Variants in SRGAP3 observed in about 807,000 individuals in gnomAD.
SRGAP3 encodes the protein SLIT-ROBO Rho GTPase-activating protein 3.
SRGAP3 carries 39 observed loss-of-function variants against 121.1 expected under a neutral mutation model. The ratio of observed to expected loss-of-function variants is 0.32; its 90% CI spans 0.25 to 0.42. The LOEUF (loss-of-function observed/expected upper bound fraction) is 0.42, where lower values mean the gene tolerates loss of function less well. Among genes scored for constraint, SRGAP3 ranks in the 10% least tolerant of loss-of-function variants. The probability of loss-of-function intolerance (pLI) is 1.00; values close to 1 mark genes in which losing one functional copy is unlikely to be tolerated. For synonymous variants in SRGAP3, 601 were observed against 570.0 expected (o/e 1.05, Z -0.77); for missense variants, 1,213 against 1,470.6 (o/e 0.82, Z 2.86).
intron 1 of SRGAP3, among the ~76,000 whole-genome samples, chr3:9,343,805 G>A (rs1955833660): frequency 6.6e-6 from 1 of 152,116 alleles, no homozygotes. Context: ...CGAGGAGCAG[G>A]ACTACAGCGC....
intron 21 of SRGAP3, 88 bp from the exon 22 acceptor site, chr3:8,986,020 A>G (rs341785): frequency 0.24 from 374,935 of 1,585,868 alleles, 46,270 homozygotes; most frequent in East Asian, 0.43. Flanking sequence ...CTTCGTAGGC[A>G]GGTTCCCCAG....
chr3:8,998,109 G>C (rs911944294), intron 18 of SRGAP3, among the ~76,000 whole-genome samples: 7 of 152,090 alleles, frequency 4.6e-5, no homozygotes, highest in Admixed American at 6.5e-5. Context: ...GGCTGGTCTC[G>C]AACTTCTGGA....
At chr3:9,359,286 C>T (rs1469342980) in intron 1 of SRGAP3, among the ~76,000 whole-genome samples, 1 of 152,152 alleles carries the variant, frequency 6.6e-6, no homozygotes, top group Non-Finnish European at 1.5e-5. Context: ...AACTGTTCTC[C>T]TTGGAGGGTC....
At chr3:9,351,197 G>A (rs767632441) in intron 1 of SRGAP3, among the ~76,000 whole-genome samples, 6 of 152,228 alleles carry the variant, frequency 3.9e-5, no homozygotes, top group South Asian at 4.2e-4. Context: ...AAACCCAGCC[G>A]AGATACCACC....
chr3:9,151,160 G>T (rs1363443450), intron 1 of SRGAP3, among the ~76,000 whole-genome samples: 5 of 152,214 alleles, frequency 3.3e-5, no homozygotes, highest in Non-Finnish European at 7.3e-5. Flanking sequence ...ATGGAGTCCA[G>T]GGGGTCCAGA....
At chr3:9,168,657 C>T (rs1457316025) in intron 1 of SRGAP3, among the ~76,000 whole-genome samples, 4 of 152,230 alleles carry the variant, frequency 2.6e-5, no homozygotes, top group Admixed American at 6.5e-5. Context: ...TCTTTTCGTA[C>T]GTGCTTGGAG....
At chr3:9,075,215 G>C (rs1450010821) in intron 4 of SRGAP3, among the ~76,000 whole-genome samples, 2 of 152,010 alleles carry the variant, frequency 1.3e-5, no homozygotes, top group Admixed American at 1.3e-4. Flanking sequence ...ACATGAACAA[G>C]AACTATATTG....
chr3:9,031,595 G>A (rs1944485175), intron 12 of SRGAP3, among the ~76,000 whole-genome samples: 2 of 152,146 alleles, frequency 1.3e-5, no homozygotes, highest in Non-Finnish European at 1.5e-5. Context: ...CTGGGACCCA[G>A]GCTGGTCCTG....
rs1946086133 is a variant in SRGAP3, at chr3:9,060,333, C to G, written c.699G>C (p.Lys233Asn). 6.2e-7 allele frequency: 1 copy of G among 1,613,852 alleles called. No individual in the cohort carries two copies. The highest frequency in any genetic ancestry group is 2.2e-5 in the East Asian group (1 of 44,868). ...CATTCCGGGCCTTTGTGCATTTCAG[C>G]TTGTTCTCAGAGTACTTGGCCTGCC... ...EKRQAKYSENKLKCTKARNDY... is the reference protein window; with the variant it reads ...EKRQAKYSENNLKCTKARNDY... Residue 233 changes from lysine (K) to asparagine (N), a missense_variant, in exon 6 of 22, where the codon AAG becomes AAC. This residue lies in a region of SRGAP3 where 793 missense variants were observed against 1,032.9 expected (regional missense o/e 0.77). Coordinates refer to ENST00000383836, the MANE Select transcript of SRGAP3 (RefSeq NM_014850.4).
At chr3:9,028,133 GA>G in intron 12 of SRGAP3, 1 of 1,614,092 alleles carries the variant, frequency 6.2e-7, no homozygotes, top group Non-Finnish European at 8.5e-7. Context: ...TTCTTCCTCT[GA>G]TAACAAAAAA....
At chr3:9,188,906 A>G (rs1376213568) in intron 1 of SRGAP3, among the ~76,000 whole-genome samples, 1 of 152,240 alleles carries the variant, frequency 6.6e-6, no homozygotes, top group Non-Finnish European at 1.5e-5. Context: ...ACATTATTAA[A>G]GAAAGAATTT....
At chr3:9,274,231 C>A (rs949581784) in intron 3 of SRGAP3, among the ~76,000 whole-genome samples, 1 of 152,200 alleles carries the variant, frequency 6.6e-6, no homozygotes, top group Non-Finnish European at 1.5e-5. Context: ...CTAAGTATTT[C>A]AAGGTGTCCT....
chr3:9,354,137 C>T (rs1575030909), intron 1 of SRGAP3, among the ~76,000 whole-genome samples: 1 of 152,102 alleles, frequency 6.6e-6, no homozygotes, highest in East Asian at 1.9e-4. Context: ...AAGGGGGCGA[C>T]AGGATGGTGG....
intron 1 of SRGAP3, among the ~76,000 whole-genome samples, chr3:9,361,703 C>T (rs548199224): frequency 1.3e-5 from 2 of 152,222 alleles, no homozygotes; most frequent in Admixed American, 6.5e-5. Flanking sequence ...CAGAAACCAG[C>T]CCTTTTGAAA....
At chr3:9,073,347 G>A (rs182229681) in intron 4 of SRGAP3, among the ~76,000 whole-genome samples, 7 of 152,306 alleles carry the variant, frequency 4.6e-5, no homozygotes, top group South Asian at 2.1e-4. Context: ...GTTTTGCCAC[G>A]TTGCCCAGGC....
intron 1 of SRGAP3, among the ~76,000 whole-genome samples, chr3:9,342,997 C>T (rs2125290844): frequency 6.6e-6 from 1 of 152,378 alleles, no homozygotes; most frequent in African/African-American, 2.4e-5. Flanking sequence ...CCCACCATGC[C>T]TCTTCGATCT....
At chr3:9,346,694 T>C (rs1373567053) in intron 1 of SRGAP3, among the ~76,000 whole-genome samples, 1 of 151,768 alleles carries the variant, frequency 6.6e-6, no homozygotes, top group Non-Finnish European at 1.5e-5. Flanking sequence ...TTACTGACTA[T>C]AAGATGATCA....
chr3:9,144,659 C>T (rs1000256356), intron 1 of SRGAP3, among the ~76,000 whole-genome samples: 5 of 152,216 alleles, frequency 3.3e-5, no homozygotes, highest in African/African-American at 1.2e-4. Context: ...TTTTCTCTTG[C>T]CGCCACCATG....
chr3:9,046,899 C>T (rs1182420481), intron 10 of SRGAP3, among the ~76,000 whole-genome samples: 3 of 151,554 alleles, frequency 2.0e-5, no homozygotes, highest in African/African-American at 4.9e-5. Context: ...GGCATGATCT[C>T]GGCTCACTGC....
Sources: allele counts gnomAD v4.1 joint callset (sites outside exome capture counted in the v4.1 genomes callset), GRCh38; gene constraint gnomAD v4.1.1; regional missense constraint gnomAD v4.1.1; transcripts MANE v1.5; gene names NCBI Gene and HGNC (gene_info 2026-07-23, HGNC 2026-07-21).